The following FSTL5 variants were observed in gnomAD, a reference collection of about 807,000 sequenced individuals.
FSTL5 encodes follistatin like 5, also known as follistatin-related protein 5.
Under a neutral mutation model 89.1 loss-of-function variants are expected in FSTL5, and 62 were observed. The ratio of observed to expected loss-of-function variants is 0.70; its 90% CI spans 0.57 to 0.86. FSTL5 has a LOEUF of 0.86. FSTL5 is among the 40% of genes least tolerant of loss of function. The pLI, the probability that FSTL5 is intolerant of heterozygous loss-of-function variation, is 0.00. For missense variants in FSTL5, 1,057 were observed against 1,001.6 expected (o/e 1.06, Z -0.75); for synonymous variants, 383 against 346.2 (o/e 1.11, Z -1.18).
intron 6 of FSTL5, among the ~76,000 whole-genome samples, chr4:161,712,897 C>T (rs1375567166): frequency 1.3e-5 from 2 of 152,150 alleles, no homozygotes; most frequent in Non-Finnish European, 2.9e-5. Context: ...TTGCCTTCCA[C>T]CATGATTGTA....
At position 161,776,856 on chromosome 4, in the gene FSTL5, G is replaced by T. The variant is rs9685651; in HGVS notation, c.410-782C>A. Among the ~76,000 whole-genome samples the T allele has an allele frequency of 5.9e-5, 9 of 151,690 alleles. No homozygotes were observed. In the South Asian group the frequency reaches 1.9e-3, roughly 32 times the overall value. ...ATATGGATCACCTCAAACATTTATGGTTTCTTTAGGTTAGGGTCTTTCCAA... is the reference window on the plus strand; with the variant it reads ...ATATGGATCACCTCAAACATTTATGTTTTCTTTAGGTTAGGGTCTTTCCAA... On this transcript the variant is annotated intron_variant, in intron 4 of 15. Coordinates refer to ENST00000306100, the MANE Select transcript of FSTL5 (RefSeq NM_020116.5).
chr4:161,391,064 A>G (rs1207471284), intron 15 of FSTL5, among the ~76,000 whole-genome samples: 1 of 152,190 alleles, frequency 6.6e-6, no homozygotes, highest in Non-Finnish European at 1.5e-5. Context: ...TATTTGAGGA[A>G]TGGGTTAGCC....
At chr4:161,486,478 T>C (rs916589148) in intron 12 of FSTL5, among the ~76,000 whole-genome samples, 10 of 152,184 alleles carry the variant, frequency 6.6e-5, no homozygotes, top group African/African-American at 1.9e-4. Context: ...GTGGAAACAC[T>C]GCAGGCCTGG....
chr4:161,591,231 T>C (rs541499697), intron 7 of FSTL5, among the ~76,000 whole-genome samples: 3 of 152,078 alleles, frequency 2.0e-5, no homozygotes, highest in Admixed American at 6.5e-5. Flanking sequence ...ATTTTACGAG[T>C]CTAATTATAT....
At chr4:161,405,718 T>C (rs1415923155) in intron 15 of FSTL5, among the ~76,000 whole-genome samples, 2 of 152,100 alleles carry the variant, frequency 1.3e-5, no homozygotes, top group Non-Finnish European at 2.9e-5. Flanking sequence ...GAAGAATAAA[T>C]GCAAAGAGAG....
chr4:161,908,976 A>C (rs1239264137), intron 4 of FSTL5, among the ~76,000 whole-genome samples: 1 of 152,148 alleles, frequency 6.6e-6, no homozygotes, highest in Non-Finnish European at 1.5e-5. Context: ...CCGCTCATTG[A>C]CCGGAAATGG....
intron 3 of FSTL5, among the ~76,000 whole-genome samples, chr4:161,958,087 A>AT: frequency 6.6e-6 from 1 of 151,588 alleles, no homozygotes; most frequent in Non-Finnish European, 1.5e-5. Context: ...AATGTTACCA[A>AT]TTTTTTCTTC....
chr4:161,410,727 G>T (rs967591155), intron 15 of FSTL5, among the ~76,000 whole-genome samples: 1 of 152,004 alleles, frequency 6.6e-6, no homozygotes, highest in African/African-American at 2.4e-5. Flanking sequence ...CCAAAGGAGT[G>T]TTAAGAGGAA....
At chr4:162,010,721 T>G (rs902116139) in intron 3 of FSTL5, among the ~76,000 whole-genome samples, 1 of 152,230 alleles carries the variant, frequency 6.6e-6, no homozygotes, top group Non-Finnish European at 1.5e-5. Context: ...GCGTTTGGCT[T>G]CTTTCACTTT....
intron 7 of FSTL5, among the ~76,000 whole-genome samples, chr4:161,594,609 A>G (rs947159801): frequency 2.0e-5 from 3 of 151,966 alleles, no homozygotes; most frequent in Non-Finnish European, 4.4e-5. Context: ...TTTCTAAGGT[A>G]TATTTGTTGA....
At chr4:162,120,365 A>G (rs13135282) in intron 1 of FSTL5, among the ~76,000 whole-genome samples, 44,072 of 151,916 alleles carry the variant, frequency 0.29, 6,564 homozygotes, top group Middle Eastern at 0.37. Context: ...TTGTTGTCCA[A>G]AACCATCCAC....
rs191997374 is a variant in FSTL5 at position 161,693,800 on chromosome 4, G to A, written c.728-37306C>T. Among the ~76,000 whole-genome samples, 614 of 151,544 alleles carry A rather than the reference G, an allele frequency of 4.1e-3. 3 individuals are homozygous for A. The highest frequency in any genetic ancestry group is 0.013 in the African/African-American group (549 of 41,358). On this transcript the variant is annotated intron_variant, in intron 6 of 15. Transcript: ENST00000306100. ...ACTACAGGTGCCAGCCACCACGCCCGGCTACTTTTTTGTATTTTTAGTAGA... is the reference window on the plus strand; with the variant it reads ...ACTACAGGTGCCAGCCACCACGCCCAGCTACTTTTTTGTATTTTTAGTAGA...
At chr4:161,841,944 G>A (rs994213432) in intron 4 of FSTL5, among the ~76,000 whole-genome samples, 3 of 152,118 alleles carry the variant, frequency 2.0e-5, no homozygotes, top group African/African-American at 7.2e-5. Flanking sequence ...AAGGATGTGA[G>A]GCTGTCTTTA....
At chr4:162,054,517 T>G (rs1484898565) in intron 2 of FSTL5, among the ~76,000 whole-genome samples, 1 of 151,866 alleles carries the variant, frequency 6.6e-6, no homozygotes, top group Non-Finnish European at 1.5e-5. Context: ...AGTATATACT[T>G]GTTAATATAG....
chr4:161,732,009 A>G (rs1448169422), intron 6 of FSTL5, among the ~76,000 whole-genome samples: 1 of 151,382 alleles, frequency 6.6e-6, no homozygotes, highest in East Asian at 1.9e-4. Context: ...TTCTTCTTTC[A>G]TTTTTCATCT....
At position 161,462,915 on chromosome 4, in the gene FSTL5, T is replaced by C. The variant is rs114932351; in HGVS notation, c.1609-3596A>G. Among the ~76,000 whole-genome samples, 555 of 151,738 alleles carry C rather than the reference T, an allele frequency of 3.7e-3. 3 individuals are homozygous for C. The highest frequency in any genetic ancestry group is 0.012 in the African/African-American group (502 of 41,358). On this transcript the variant is annotated intron_variant, in intron 13 of 15. Coordinates refer to ENST00000306100, the MANE Select transcript of FSTL5 (RefSeq NM_020116.5). ...AGCACTTAAAATAACTTGATGTGTG[T>C]CACAAAAAAAATAAAAAAATAAGGA... is the stretch of plus-strand genomic sequence containing the variant.
At chr4:161,511,928 C>T (rs903603084) in intron 10 of FSTL5, among the ~76,000 whole-genome samples, 1 of 151,814 alleles carries the variant, frequency 6.6e-6, no homozygotes, top group South Asian at 2.1e-4. Context: ...GAGTGCTGTG[C>T]GGTGTAGGGG....
At chr4:161,545,375 A>T (rs2126548764) in intron 8 of FSTL5, among the ~76,000 whole-genome samples, 1 of 152,190 alleles carries the variant, frequency 6.6e-6, no homozygotes, top group South Asian at 2.1e-4. Context: ...AATTTAAAAA[A>T]TAATAAGACA....
intron 8 of FSTL5, among the ~76,000 whole-genome samples, chr4:161,570,817 A>G (rs1284309590): frequency 6.6e-6 from 1 of 152,128 alleles, no homozygotes; most frequent in Admixed American, 6.6e-5. Context: ...AAATCTATGG[A>G]GTTAAGGCTC....
Sources: allele counts gnomAD v4.1 joint callset (sites outside exome capture counted in the v4.1 genomes callset), GRCh38; gene constraint gnomAD v4.1.1; transcripts MANE v1.5; gene names NCBI Gene and HGNC (gene_info 2026-07-23, HGNC 2026-07-21).